Variants in SRD5A2 observed in about 807,000 individuals in gnomAD.
SRD5A2 encodes 3-oxo-5-alpha-steroid 4-dehydrogenase 2.
Under a neutral mutation model 27.4 loss-of-function variants are expected in SRD5A2, and 30 were observed. The observed-to-expected ratio is 1.10, with a 90% CI of 0.82 to 1.49. SRD5A2 has a LOEUF of 1.49. Ranked by LOEUF, SRD5A2 falls within the 40% of genes most tolerant of loss-of-function variation. The probability of loss-of-function intolerance (pLI) is 0.00; values close to 1 mark genes in which losing one functional copy is unlikely to be tolerated. For missense variants in SRD5A2, 348 were observed against 323.4 expected (o/e 1.08, Z -0.58); for synonymous variants, 141 against 133.6 (o/e 1.06, Z -0.38).
At chr2:31,648,470 C>G in the SRD5A2 span, among the ~76,000 whole-genome samples, 1 of 152,202 alleles carries the variant, frequency 6.6e-6, no homozygotes, top group African/African-American at 2.4e-5. Context: ...AGTGTTGAAG[C>G]TTGAGCTAGA....
the SRD5A2 span, among the ~76,000 whole-genome samples, chr2:31,623,069 C>T: frequency 6.6e-6 from 1 of 152,010 alleles, no homozygotes; most frequent in Non-Finnish European, 1.5e-5. Context: ...TTGTCAACTT[C>T]TGATTGCCGG....
chr2:31,556,906 G>A (rs529971792), intron 1 of SRD5A2, among the ~76,000 whole-genome samples: 11 of 152,236 alleles, frequency 7.2e-5, no homozygotes, highest in South Asian at 2.1e-4. Flanking sequence ...TATATATTGC[G>A]TACTATGTTC....
intron 1 of SRD5A2, among the ~76,000 whole-genome samples, chr2:31,536,345 C>T (rs1666027169): frequency 6.6e-6 from 1 of 152,202 alleles, no homozygotes; most frequent in South Asian, 2.1e-4. Context: ...AGATGCTATT[C>T]AAGCTTCTGC....
the SRD5A2 span, among the ~76,000 whole-genome samples, chr2:31,634,157 C>A: frequency 8.7e-5 from 13 of 148,976 alleles, no homozygotes; most frequent in African/African-American, 1.2e-4. Flanking sequence ...CTTGCAACTG[C>A]AAAAAAAAAA....
intron 1 of SRD5A2, among the ~76,000 whole-genome samples, chr2:31,539,995 A>G (rs1026522327): frequency 2.0e-5 from 3 of 152,222 alleles, no homozygotes; most frequent in Non-Finnish European, 4.4e-5. Context: ...GTATTATGTA[A>G]TTCTAAATGT....
the SRD5A2 span, among the ~76,000 whole-genome samples, chr2:31,648,015 A>G: frequency 6.6e-6 from 1 of 152,198 alleles, no homozygotes; most frequent in South Asian, 2.1e-4. Flanking sequence ...TTGTTGAGCC[A>G]AAGACTGTGT....
intron 1 of SRD5A2, among the ~76,000 whole-genome samples, chr2:31,568,850 G>A (rs1336185696): frequency 6.6e-6 from 1 of 152,248 alleles, no homozygotes; most frequent in African/African-American, 2.4e-5. Flanking sequence ...GGCCAAGGCG[G>A]CAGGGGGCTG....
At chr2:31,628,922 G>T in the SRD5A2 span, among the ~76,000 whole-genome samples, 2 of 151,876 alleles carry the variant, frequency 1.3e-5, no homozygotes. Context: ...TGTGTCTTGG[G>T]GTTGGCCTTC....
chr2:31,620,142 A>G, the SRD5A2 span, among the ~76,000 whole-genome samples: 2 of 152,042 alleles, frequency 1.3e-5, no homozygotes, highest in African/African-American at 4.8e-5. Context: ...ACATCCCTTC[A>G]TGTTAAAAAC....
chr2:31,584,252 T>C (rs1286376500), upstream of SRD5A2, among the ~76,000 whole-genome samples: 1 of 152,170 alleles, frequency 6.6e-6, no homozygotes, highest in Non-Finnish European at 1.5e-5. Flanking sequence ...CTACAGAGTA[T>C]TGGAATTAGG....
the SRD5A2 span, among the ~76,000 whole-genome samples, chr2:31,599,555 G>A: frequency 1.3e-5 from 2 of 152,064 alleles, no homozygotes; most frequent in African/African-American, 4.8e-5. Context: ...GCTTCTGAAT[G>A]AACAGTGGGC....
intron 1 of SRD5A2, among the ~76,000 whole-genome samples, chr2:31,570,115 G>A (rs1666821959): frequency 6.6e-6 from 1 of 151,822 alleles, no homozygotes; most frequent in South Asian, 2.1e-4. Context: ...TGAACATCAG[G>A]GCAAAAATCC....
intron 1 of SRD5A2, among the ~76,000 whole-genome samples, chr2:31,544,646 C>T (rs1378049058): frequency 6.6e-6 from 1 of 151,342 alleles, no homozygotes; most frequent in Non-Finnish European, 1.5e-5. Context: ...ACTTAAGGAG[C>T]TAGAAAAGAA....
the SRD5A2 span, among the ~76,000 whole-genome samples, chr2:31,644,586 C>T: frequency 6.6e-6 from 1 of 152,188 alleles, no homozygotes; most frequent in Admixed American, 6.5e-5. Flanking sequence ...GGAGGCAGAG[C>T]TCAGGCGGTG....
the SRD5A2 span, among the ~76,000 whole-genome samples, chr2:31,659,002 G>C: frequency 6.6e-6 from 1 of 152,144 alleles, no homozygotes; most frequent in Admixed American, 6.6e-5. Context: ...ACATCAAAAA[G>C]TTAATCCACC....
chr2:31,549,142 T>C (rs1270513122), intron 1 of SRD5A2, among the ~76,000 whole-genome samples: 1 of 146,316 alleles, frequency 6.8e-6, no homozygotes, highest in East Asian at 2.0e-4. Flanking sequence ...AGATGGAGTC[T>C]CACTCTGTCA....
intron 1 of SRD5A2, among the ~76,000 whole-genome samples, chr2:31,566,455 G>C (rs1347836177): frequency 1.3e-5 from 2 of 152,076 alleles, no homozygotes; most frequent in Non-Finnish European, 2.9e-5. Context: ...TAAAGCTCTA[G>C]TCAAAAAGAT....
At chr2:31,594,024 A>G in the SRD5A2 span, among the ~76,000 whole-genome samples, 1 of 152,240 alleles carries the variant, frequency 6.6e-6, no homozygotes, top group African/African-American at 2.4e-5. Flanking sequence ...CCAGCACAGC[A>G]CTAAAAGAAA....
intron 1 of SRD5A2, among the ~76,000 whole-genome samples, chr2:31,559,987 T>C (rs1572647625): frequency 1.3e-5 from 2 of 151,564 alleles, no homozygotes; most frequent in South Asian, 4.2e-4. Context: ...TTTGTGAAGG[T>C]ACCTATAGAA....
Sources: allele counts gnomAD v4.1 joint callset (sites outside exome capture counted in the v4.1 genomes callset), GRCh38; gene constraint gnomAD v4.1.1; transcripts MANE v1.5; gene names NCBI Gene and HGNC (gene_info 2026-07-23, HGNC 2026-07-21).